The following TSPAN14 variants were observed in gnomAD, a reference collection of about 807,000 sequenced individuals.
The protein encoded by TSPAN14 is tetraspanin-14.
In TSPAN14, 16 loss-of-function variants were observed where a neutral mutation model predicts 36.6. That is an observed-to-expected ratio of 0.44 (90% confidence interval 0.30 to 0.66). The LOEUF is 0.66. Among genes scored for constraint, TSPAN14 ranks in the 30% least tolerant of loss-of-function variants. The pLI, the probability that TSPAN14 is intolerant of heterozygous loss-of-function variation, is 0.12. For synonymous variants in TSPAN14, 139 were observed against 143.8 expected, an observed-to-expected ratio of 0.97 and a Z score of 0.24; for missense variants, 231 against 355.1, an observed-to-expected ratio of 0.65 and a Z score of 2.81.
intron 1 of TSPAN14, among the ~76,000 whole-genome samples, chr10:80,479,294 T>C (rs1316188102): frequency 3.3e-5 from 5 of 150,936 alleles, no homozygotes; most frequent in Non-Finnish European, 1.5e-5. Flanking sequence ...CTCTTTAGTT[T>C]AATTAGATCC....
At chr10:80,458,261 A>G (rs1845820968) in intron 1 of TSPAN14, among the ~76,000 whole-genome samples, 1 of 151,928 alleles carries the variant, frequency 6.6e-6, no homozygotes, top group African/African-American at 2.4e-5. Context: ...GTGGACTCCC[A>G]CTGGGGATGG....
At chr10:80,501,687 A>G (rs74829130) in intron 2 of TSPAN14, among the ~76,000 whole-genome samples, 2,677 of 152,318 alleles carry the variant, frequency 0.018, 107 homozygotes, top group East Asian at 0.13. Context: ...TGCTCTGACC[A>G]TAGGCAAATG....
chr10:80,507,061 G>C, intron 3 of TSPAN14, 167 bp from the exon 4 acceptor site: 1 of 821,192 alleles, frequency 1.2e-6, no homozygotes, highest in Non-Finnish European at 1.9e-6. Flanking sequence ...CCTGGTCGGA[G>C]GGGCCCCTAA....
chr10:80,499,752 A>G (rs558388650), intron 2 of TSPAN14, among the ~76,000 whole-genome samples: 4 of 152,304 alleles, frequency 2.6e-5, no homozygotes, highest in Admixed American at 2.6e-4. Flanking sequence ...TCCATTAAGT[A>G]TTTAATGCAG....
chr10:80,491,147 G>A (rs1163503815), intron 2 of TSPAN14, among the ~76,000 whole-genome samples: 1 of 152,164 alleles, frequency 6.6e-6, no homozygotes, highest in East Asian at 1.9e-4. Context: ...GGATTCAATG[G>A]CTTGGTCTTT....
chr10:80,504,847 C>G lies in TSPAN14; in HGVS notation c.132+69C>G, dbSNP rs1013427540. The G allele has an allele frequency of 5.9e-6, 9 of 1,532,378 alleles. No homozygotes were observed. The African/African-American group carries it at 9.6e-5, about 16-fold the overall frequency. The allele number at this position is 1,532,378 out of a possible 1,614,324, so 94.9% of individuals were successfully genotyped here. On this transcript the variant is annotated intron_variant, in intron 3 of 8. Transcript: ENST00000429989. The stretch of plus-strand genomic sequence containing the variant: ...ACCAGATTCGTTGGACTTCATTTTC[C>G]CTCCTCCAATCTGTTCCCTGACAAC...
chr10:80,509,579 G>A lies in TSPAN14; in HGVS notation c.450+108G>A. The A allele has an allele frequency of 8.1e-7, 1 of 1,229,416 alleles. No homozygotes were observed. Among genetic ancestry groups the A allele is most frequent in the East Asian group, 2.4e-5 (1 of 41,326 alleles). 76.2% of individuals were successfully genotyped at this position (1,229,416 alleles called of 1,614,324 possible). A position where few individuals can be genotyped will look rare whatever the true frequency, so the allele number is the denominator to read the frequency against. ...CTTCTCTGTGGGTTGTCTGCCTGCA[G>A]CTTGGCAGACAGCAGGGAGGCCGTG... On this transcript the variant is annotated intron_variant, in intron 5 of 8. Coordinates refer to ENST00000429989, the Ensembl canonical transcript of TSPAN14. The surrounding 1 kb of genome is among the most constrained non-coding windows in gnomAD (Gnocchi z 4.7).
At chr10:80,478,059 C>T (rs941368835) in intron 1 of TSPAN14, among the ~76,000 whole-genome samples, 2 of 151,926 alleles carry the variant, frequency 1.3e-5, no homozygotes, top group African/African-American at 4.8e-5. Context: ...CCAGGGATTA[C>T]TAGATGGCTA....
In TSPAN14 at chr10:80,509,559, C is replaced by G; in HGVS notation, c.450+88C>G. On this transcript the variant is annotated intron_variant, in intron 5 of 8. Transcript: ENST00000429989. This position sits in a 1 kb window ranked among gnomAD's most constrained non-coding sequence, Gnocchi z 4.7. ...GTCTAGCAGGGGCATCAGGCCTTCT[C>G]TGTGGGTTGTCTGCCTGCAGCTTGG... 7.0e-7 allele frequency: 1 copy of G among 1,425,286 alleles called. No individual in the cohort carries two copies. The highest frequency in any genetic ancestry group is 1.3e-5 in the South Asian group (1 of 76,048). The allele number at this position is 1,425,286 out of a possible 1,614,324, so 88.3% of individuals were successfully genotyped here. A position where few individuals can be genotyped will look rare whatever the true frequency, so the allele number is the denominator to read the frequency against.
intron 3 of TSPAN14, among the ~76,000 whole-genome samples, chr10:80,506,209 G>A (rs1219199455): frequency 6.6e-6 from 1 of 152,224 alleles, no homozygotes; most frequent in East Asian, 1.9e-4. Context: ...CTGGCCTCAA[G>A]TGATCTGCCC....
At chr10:80,454,865 C>T (rs1845662913) in intron 1 of TSPAN14, among the ~76,000 whole-genome samples, 1 of 151,812 alleles carries the variant, frequency 6.6e-6, no homozygotes, top group Admixed American at 6.6e-5. Context: ...GGGCGTAGGC[C>T]GGGGCGGGCC....
chr10:80,517,541 G>C (rs4934284), intron 8 of TSPAN14, among the ~76,000 whole-genome samples: 142,148 of 152,336 alleles, frequency 0.93, 66,443 homozygotes, highest in East Asian at 1. Context: ...TTTTGGGAAT[G>C]AGAACCAGTC....
chr10:80,511,370 T>G (rs548259348), intron 5 of TSPAN14, among the ~76,000 whole-genome samples: 1 of 152,250 alleles, frequency 6.6e-6, no homozygotes, highest in East Asian at 1.9e-4. Flanking sequence ...GGGAATTCAC[T>G]TGCAAGTTTC....
At chr10:80,482,948 T>C (rs1847376169) in intron 1 of TSPAN14, among the ~76,000 whole-genome samples, 1 of 152,118 alleles carries the variant, frequency 6.6e-6, no homozygotes, top group Admixed American at 6.5e-5. Context: ...TTGGTCAGGC[T>C]GGTCTCAAAC....
intron 5 of TSPAN14, among the ~76,000 whole-genome samples, chr10:80,511,928 G>A (rs1299467972): frequency 1.3e-5 from 2 of 151,986 alleles, no homozygotes; most frequent in Non-Finnish European, 1.5e-5. Flanking sequence ...TGAGGTTACA[G>A]GCCTGAGCTA....
intron 2 of TSPAN14, 26 bp downstream of exon 2, chr10:80,489,340 C>G (rs1285723430): frequency 5.6e-6 from 8 of 1,426,294 alleles, no homozygotes; most frequent in African/African-American, 1.4e-5. Context: ...CTGCCACATT[C>G]CCTTGTTTAG....
chr10:80,466,045 C>T (rs1428383688), intron 1 of TSPAN14, among the ~76,000 whole-genome samples: 1 of 152,184 alleles, frequency 6.6e-6, no homozygotes, highest in Admixed American at 6.5e-5. Context: ...CCTTTCTAAA[C>T]CACAGACAGA....
At chr10:80,481,638 T>C (rs1273278468) in intron 1 of TSPAN14, among the ~76,000 whole-genome samples, 1 of 152,178 alleles carries the variant, frequency 6.6e-6, no homozygotes, top group Non-Finnish European at 1.5e-5. Context: ...AGAAAGCAGA[T>C]GCATAATGCG....
chr10:80,496,391 T>G (rs1848199452), intron 2 of TSPAN14, among the ~76,000 whole-genome samples: 1 of 152,224 alleles, frequency 6.6e-6, no homozygotes, highest in Non-Finnish European at 1.5e-5. Flanking sequence ...ATGAACTGTG[T>G]CTCCTCCCAC....
Sources: gnomAD v4.1 joint callset for allele counts (sites outside exome capture counted in the v4.1 genomes callset) on GRCh38, gnomAD v4.1.1 for gene constraint, Gnocchi (gnomAD v3.1) non-coding constraint, MANE v1.5 for transcripts, NCBI Gene and HGNC (gene_info 2026-07-23, HGNC 2026-07-21) for gene names.